The following CRTAC1 variants were observed in gnomAD, a reference collection of about 807,000 sequenced individuals.
The protein encoded by CRTAC1 is acidic secreted protein in cartilage.
Under a neutral mutation model 67.8 loss-of-function variants are expected in CRTAC1, and 37 were observed. The ratio of observed to expected loss-of-function variants is 0.55; its 90% CI spans 0.42 to 0.72. The LOEUF (loss-of-function observed/expected upper bound fraction) is 0.72. CRTAC1 is among the 30% of genes least tolerant of loss of function. CRTAC1 has a pLI of 0.00. For synonymous variants in CRTAC1, 348 were observed against 371.0 expected (o/e 0.94, Z 0.71); for missense variants, 780 against 931.6 (o/e 0.84, Z 2.12).
chr10:98,010,407 T>C (rs1481369812), intron 2 of CRTAC1, among the ~76,000 whole-genome samples: 1 of 152,148 alleles, frequency 6.6e-6, no homozygotes, highest in Non-Finnish European at 1.5e-5. Context: ...CACAATAGCC[T>C]AGGAAGGCTT....
chr10:97,904,521 A>C, intron 7 of CRTAC1, 148 bp downstream of exon 7: 1 of 666,926 alleles, frequency 1.5e-6, no homozygotes, highest in Non-Finnish European at 2.2e-6. Flanking sequence ...TCCTGGGCTC[A>C]AGATTCCTGT....
intron 3 of CRTAC1, among the ~76,000 whole-genome samples, chr10:97,925,363 G>T (rs1165357427): frequency 6.6e-6 from 1 of 151,996 alleles, no homozygotes; most frequent in Non-Finnish European, 1.5e-5. Context: ...TGAGACAATG[G>T]CTGAGAATGA....
intron 2 of CRTAC1, among the ~76,000 whole-genome samples, chr10:98,006,607 C>A (rs1263442073): frequency 6.6e-6 from 1 of 152,226 alleles, no homozygotes; most frequent in African/African-American, 2.4e-5. Flanking sequence ...ATACCCAGAA[C>A]GAGGACACCG....
Position 97,975,348 on chromosome 10 carries a change from C to A in CRTAC1, c.224+35790G>T, listed in dbSNP as rs2051782843. Among the ~76,000 whole-genome samples, 1 of 151,970 alleles carries A rather than the reference C, an allele frequency of 6.6e-6. No individual in the cohort carries two copies. Among genetic ancestry groups the A allele is most frequent in the Non-Finnish European group, 1.5e-5 (1 of 67,966 alleles). On this transcript the variant is annotated intron_variant, in intron 2 of 14. Coordinates refer to ENST00000370597, the MANE Select transcript of CRTAC1 (RefSeq NM_018058.7). The surrounding 1 kb of genome is among the most constrained non-coding windows in gnomAD (Gnocchi z 4.8). ...GGCCGGTTCCTGACCCGCCTCCTGG[C>A]TGGAGGGTTCAAAAGACTTCAGACC...
rs1038831038 is a variant in CRTAC1 at position 98,029,506 on chromosome 10, G to A, written c.24+943C>T. Among the ~76,000 whole-genome samples, 5 of 145,320 alleles carry A rather than the reference G, an allele frequency of 3.4e-5. No homozygotes were observed. The highest frequency in any genetic ancestry group is 3.9e-4 in the East Asian group (2 of 5,098). ...CAGCAGCAGCAGCGGCGGCGGCGGC[G>A]GCGGCGGCGGCGGCGGCGGCGGCAG... On this transcript the variant is annotated intron_variant, in intron 1 of 14. Transcript: ENST00000370597. This position sits in a 1 kb window ranked among gnomAD's most constrained non-coding sequence, Gnocchi z 4.7.
chr10:97,991,040 G>T (rs1295243264), intron 2 of CRTAC1, among the ~76,000 whole-genome samples: 1 of 128,126 alleles, frequency 7.8e-6, no homozygotes, highest in Non-Finnish European at 1.6e-5. Flanking sequence ...GAAGTGGGAA[G>T]ATTGCTTGAG....
rs547578364 is a variant in CRTAC1 at position 97,963,015 on chromosome 10, C to T, written c.225-26649G>A. 3.2e-3 allele frequency among the ~76,000 whole-genome samples: 491 copies of T among 152,148 alleles called. 4 individuals are homozygous for T. Among genetic ancestry groups the T allele is most frequent in the African/African-American group, 0.011 (466 of 41,514 alleles). The stretch of plus-strand genomic sequence containing the variant: ...TAAAGGTTCCAAAATTACAGCCAGG[C>T]GACACAACAGCAGCTCCTCCTCTCC... On this transcript the variant is annotated intron_variant, in intron 2 of 14. Transcript: ENST00000370597.
intron 2 of CRTAC1, among the ~76,000 whole-genome samples, chr10:97,977,300 C>T (rs2136659544): frequency 6.6e-6 from 1 of 152,308 alleles, no homozygotes; most frequent in African/African-American, 2.4e-5. Flanking sequence ...GTCTGGAATA[C>T]TATGGCCGGG....
At chr10:98,001,388 A>G (rs1842685313) in intron 2 of CRTAC1, among the ~76,000 whole-genome samples, 1 of 152,200 alleles carries the variant, frequency 6.6e-6, no homozygotes, top group Non-Finnish European at 1.5e-5. Flanking sequence ...TCATCTGCAA[A>G]GCAGGGACGA....
chr10:97,899,245 C>T (rs2050500805), intron 8 of CRTAC1, among the ~76,000 whole-genome samples: 1 of 152,224 alleles, frequency 6.6e-6, no homozygotes, highest in Admixed American at 6.5e-5. Flanking sequence ...GGACTTGGGG[C>T]ACAGCCACGT....
rs1391550366 is a variant in CRTAC1 at position 98,030,534 on chromosome 10, C to A, written c.-62G>T. On this transcript the variant is annotated 5_prime_UTR_variant, in exon 1 of 15. Coordinates refer to ENST00000370597, the MANE Select transcript of CRTAC1 (RefSeq NM_018058.7). This position sits in a 1 kb window ranked among gnomAD's most constrained non-coding sequence, Gnocchi z 4.2. Reference sequence around the variant, plus strand: ...AAGCGGGCGCTCGCTGCCGCCTCTGCCGCCGGCGCCGCCGCCTGCTTGCTC... The same window carrying A: ...AAGCGGGCGCTCGCTGCCGCCTCTGACGCCGGCGCCGCCGCCTGCTTGCTC... The A allele has an allele frequency of 1.8e-6, 2 of 1,128,410 alleles. No homozygotes were observed. Among genetic ancestry groups the A allele is most frequent in the Non-Finnish European group, 2.3e-6 (2 of 886,940 alleles). The allele number at this position is 1,128,410 out of a possible 1,614,324, so 69.9% of individuals were successfully genotyped here.
intron 11 of CRTAC1, among the ~76,000 whole-genome samples, chr10:97,885,203 A>G (rs934150514): frequency 6.6e-6 from 1 of 152,226 alleles, no homozygotes; most frequent in Non-Finnish European, 1.5e-5. Flanking sequence ...GCTCTACATA[A>G]TAACTTGGAA....
At chr10:97,898,855 G>A (rs529618624) in intron 8 of CRTAC1, among the ~76,000 whole-genome samples, 1 of 152,280 alleles carries the variant, frequency 6.6e-6, no homozygotes, top group Admixed American at 6.5e-5. Flanking sequence ...GAGTGTCCTT[G>A]TTCATGCCTT....
intron 11 of CRTAC1, among the ~76,000 whole-genome samples, chr10:97,889,472 C>G (rs528762946): frequency 1.3e-5 from 2 of 151,534 alleles, no homozygotes; most frequent in Non-Finnish European, 2.9e-5. Context: ...GTCCACTGAG[C>G]AAGGCAGGGT....
intron 8 of CRTAC1, among the ~76,000 whole-genome samples, chr10:97,899,077 G>A (rs2050498876): frequency 6.6e-6 from 1 of 152,168 alleles, no homozygotes; most frequent in South Asian, 2.1e-4. Flanking sequence ...CAGGGCCAAG[G>A]AGCCCACAGT....
Position 97,928,743 on chromosome 10 carries a change from C to T in CRTAC1, c.422-5343G>A, listed in dbSNP as rs115092178. 5.9e-3 allele frequency among the ~76,000 whole-genome samples: 898 copies of T among 152,218 alleles called. 11 individuals are homozygous for T. The highest frequency in any genetic ancestry group is 0.02 in the African/African-American group (829 of 41,508). On this transcript the variant is annotated intron_variant, in intron 3 of 14. Transcript: ENST00000370597. ...AAGGGTCAGAGTAACAACAGCAATGCACTCTACAGTTTAGGCAGGATGGCG... is the reference window on the plus strand; with the variant it reads ...AAGGGTCAGAGTAACAACAGCAATGTACTCTACAGTTTAGGCAGGATGGCG...
At chr10:97,995,954 A>G (rs1033834411) in intron 2 of CRTAC1, among the ~76,000 whole-genome samples, 6 of 152,064 alleles carry the variant, frequency 3.9e-5, no homozygotes, top group African/African-American at 1.5e-4. Flanking sequence ...AAGTCAAGAG[A>G]TCAAGACCAT....
intron 1 of CRTAC1, among the ~76,000 whole-genome samples, chr10:98,021,542 C>T (rs995157788): frequency 5.3e-5 from 8 of 152,128 alleles, no homozygotes; most frequent in East Asian, 1.9e-4. Context: ...TCAGACTTCC[C>T]GTTCTGTAAA....
At chr10:97,873,404 C>T (rs1328290436) in intron 14 of CRTAC1, among the ~76,000 whole-genome samples, 2 of 152,226 alleles carry the variant, frequency 1.3e-5, no homozygotes, top group African/African-American at 4.8e-5. Flanking sequence ...TTCCTTCTCC[C>T]TCTTTCTTCT....
Sources: gnomAD v4.1 joint callset for allele counts (sites outside exome capture counted in the v4.1 genomes callset) on GRCh38, gnomAD v4.1.1 for gene constraint, Gnocchi (gnomAD v3.1) non-coding constraint, MANE v1.5 for transcripts, NCBI Gene and HGNC (gene_info 2026-07-23, HGNC 2026-07-21) for gene names.